Variants in TMEM30A observed in about 807,000 individuals in gnomAD.
The protein encoded by TMEM30A is cell division cycle 50 P4-ATPase accessory subunit A.
Under a neutral mutation model 38.2 loss-of-function variants are expected in TMEM30A, and 24 were observed. The ratio of observed to expected loss-of-function variants is 0.63; its 90% confidence interval spans 0.46 to 0.88. The LOEUF (loss-of-function observed/expected upper bound fraction) is 0.88. Ranked by LOEUF, TMEM30A falls within the 40% of genes least tolerant of loss-of-function variation. TMEM30A has a pLI of 0.00. For missense variants in TMEM30A, 370 were observed against 458.6 expected (o/e 0.81, Z 1.77); for synonymous variants, 145 against 161.6 (o/e 0.90, Z 0.78).
chr6:75,264,074 A>C (rs1772019428), intron 3 of TMEM30A, among the ~76,000 whole-genome samples: 1 of 152,220 alleles, frequency 6.6e-6, no homozygotes, highest in Non-Finnish European at 1.5e-5. Context: ...AACCCCACAT[A>C]GATTCAAAAT....
At chr6:75,258,669 A>G (rs1771910077) in intron 6 of TMEM30A, 111 bp downstream of exon 6, 1 of 893,548 alleles carries the variant, frequency 1.1e-6, no homozygotes, top group Non-Finnish European at 1.7e-6. Context: ...TTTTGTAAAA[A>G]TGCAGAGACC....
In TMEM30A at chr6:75,284,740, G is replaced by C. The variant is rs1053770471; in HGVS notation, c.-102C>G. The C allele has an allele frequency of 1.7e-6, 2 of 1,176,414 alleles. No homozygotes were observed. Among genetic ancestry groups the C allele is most frequent in the Non-Finnish European group, 2.5e-6 (2 of 802,226 alleles). 72.9% of individuals were successfully genotyped at this position (1,176,414 alleles called of 1,614,324 possible). ...CTCGAGCGCCGCTGCCGCCGCCGCC[G>C]CCGCAGCCACCAGCGCCACCGCCAC... On this transcript the variant is annotated 5_prime_UTR_variant, in exon 1 of 7. Coordinates refer to ENST00000230461, the MANE Select transcript of TMEM30A (RefSeq NM_018247.4).
At chr6:75,278,231 CTGA>C (rs1383287668) in intron 1 of TMEM30A, among the ~76,000 whole-genome samples, 1 of 152,198 alleles carries the variant, frequency 6.6e-6, no homozygotes, top group African/African-American at 2.4e-5. Context: ...AGCTCTCATC[CTGA>C]TGACATACCA....
intron 1 of TMEM30A, among the ~76,000 whole-genome samples, chr6:75,281,077 C>T (rs1772350335): frequency 6.6e-6 from 1 of 152,090 alleles, no homozygotes; most frequent in Non-Finnish European, 1.5e-5. Flanking sequence ...AGCTAATTCA[C>T]TAAGATCTCA....
intron 3 of TMEM30A, among the ~76,000 whole-genome samples, chr6:75,262,715 T>C (rs1318708522): frequency 4.6e-5 from 7 of 150,760 alleles, no homozygotes; most frequent in Non-Finnish European, 8.9e-5. Context: ...ATATGCAGCA[T>C]GTACAATACT....
intron 1 of TMEM30A, among the ~76,000 whole-genome samples, chr6:75,277,527 C>T (rs1463366168): frequency 6.6e-6 from 1 of 152,154 alleles, no homozygotes; most frequent in Non-Finnish European, 1.5e-5. Flanking sequence ...TCACTTGAGC[C>T]CAGGAGTTTG....
rs1562382693 is a variant in TMEM30A, at chr6:75,255,514, C to CATAA, written c.*587_*588insTTAT. 2.6e-5 allele frequency: 4 copies of CATAA among 152,452 alleles called. No individual in the cohort carries two copies. Among genetic ancestry groups the CATAA allele is most frequent in the Non-Finnish European group, 5.9e-5 (4 of 67,986 alleles). 9.4% of individuals were successfully genotyped at this position (152,452 alleles called of 1,614,324 possible). A position where few individuals can be genotyped will look rare whatever the true frequency, so the allele number is the denominator to read the frequency against. On this transcript the variant is annotated 3_prime_UTR_variant, in exon 7 of 7. Transcript: ENST00000230461. ...TAATTCTTATGCCAGACAAGGTAAG[C>CATAA]GTGTCCTTTGAAATCAAAGCTAAGC...
chr6:75,267,873 T>G (rs1013046509), intron 1 of TMEM30A, 125 bp from the exon 2 acceptor site: 2 of 532,190 alleles, frequency 3.8e-6, no homozygotes, highest in East Asian at 6.4e-5. Context: ...AGACAAAAAC[T>G]GTTTTTAAGG....
rs202217832 is a variant in TMEM30A, at chr6:75,267,661, T to C, written c.325A>G (p.Thr109Ala). The C allele has an allele frequency of 1.9e-6, 3 of 1,610,882 alleles. No homozygotes were observed. The Admixed American group carries it at 5.0e-5, about 27-fold the overall frequency. The change falls in exon 2 of 7, where the codon ACA becomes GCA. Residue 109 changes from threonine (T) to alanine (A), a missense_variant. By Grantham distance (58) the Thr-to-Ala change is moderately conservative. Coordinates refer to ENST00000230461, the MANE Select transcript of TMEM30A (RefSeq NM_018247.4). Reference protein sequence around the residue: ...VTPCFCTINFTLEKSFEGNVF... With the variant: ...VTPCFCTINFALEKSFEGNVF... ...CAGACCTCAAATGACTTTTCCAGTG[T>C]GAAGTTAATGGTACAAAAGCAAGGT... is the stretch of plus-strand genomic sequence containing the variant.
chr6:75,265,332 C>T lies in TMEM30A; in HGVS notation c.352G>A (p.Val118Met), dbSNP rs1303379634. 1.3e-6 allele frequency: 2 copies of T among 1,588,408 alleles called. No individual in the cohort carries two copies. Among genetic ancestry groups the T allele is most frequent in the South Asian group, 1.2e-5 (1 of 86,902 alleles). Reference protein sequence around the residue: ...FTLEKSFEGNVFMYYGLSNFY... With the variant: ...FTLEKSFEGNMFMYYGLSNFY... ...TTAGACAGTCCATAATACATAAACA[C>T]GTTGCCCTAGAGAAACAGAGAGGGA... The change falls in exon 3 of 7, where the codon GTG becomes ATG. Residue 118 changes from valine (V) to methionine (M), a missense_variant. By Grantham distance (21) the Val-to-Met change is conservative (BLOSUM62 1). Coordinates refer to ENST00000230461, the MANE Select transcript of TMEM30A (RefSeq NM_018247.4).
chr6:75,275,370 A>C (rs923731169), intron 1 of TMEM30A, among the ~76,000 whole-genome samples: 13 of 151,772 alleles, frequency 8.6e-5, no homozygotes, highest in African/African-American at 2.9e-4. Flanking sequence ...TTCCCCTTGA[A>C]CTCTATATTT....
rs1772422978 is a variant in TMEM30A, at chr6:75,284,429, G to A, written c.210C>T (p.Val70=). Residue 70 remains valine, a synonymous_variant, in exon 1 of 7, where the codon GTC becomes GTT. Coordinates refer to ENST00000230461, the MANE Select transcript of TMEM30A (RefSeq NM_018247.4). ...IFIPIGIGIF[V]TSNNIREIEI... is the part of the protein sequence containing the mutation. ...CGATCTCGCGGATGTTGTTGGAGGTGACAAAAATGCCAATGCCGATGGGAA... is the reference window on the plus strand; with the variant it reads ...CGATCTCGCGGATGTTGTTGGAGGTAACAAAAATGCCAATGCCGATGGGAA... 1.9e-6 allele frequency: 3 copies of A among 1,613,986 alleles called. No individual in the cohort carries two copies. Among genetic ancestry groups the A allele is most frequent in the Non-Finnish European group, 2.5e-6 (3 of 1,180,004 alleles).
chr6:75,266,928 T>C (rs1360213424), intron 2 of TMEM30A, among the ~76,000 whole-genome samples: 1 of 152,182 alleles, frequency 6.6e-6, no homozygotes, highest in Non-Finnish European at 1.5e-5. Flanking sequence ...CAACCAACTA[T>C]TAGGGACTAT....
In TMEM30A at chr6:75,284,776, G is replaced by A. The variant is rs1772440491; in HGVS notation, c.-138C>T. 1 of 800,606 alleles carries A rather than the reference G, an allele frequency of 1.2e-6. No homozygotes were observed. Among genetic ancestry groups the A allele is most frequent in the Non-Finnish European group, 2.1e-6 (1 of 477,616 alleles). 49.6% of individuals were successfully genotyped at this position (800,606 alleles called of 1,614,324 possible). On this transcript the variant is annotated 5_prime_UTR_variant, in exon 1 of 7. Coordinates refer to ENST00000230461, the MANE Select transcript of TMEM30A (RefSeq NM_018247.4). ...CAGCGCCACCGCCACAGCCACCTCC[G>A]CTGTAGAGCGGAAGAGGCGGGACAC...
chr6:75,268,531 T>C (rs2149521321), intron 1 of TMEM30A, among the ~76,000 whole-genome samples: 1 of 152,330 alleles, frequency 6.6e-6, no homozygotes, highest in South Asian at 2.1e-4. Flanking sequence ...TTCTGGTTGG[T>C]GAATCCACTA....
intron 2 of TMEM30A, among the ~76,000 whole-genome samples, chr6:75,267,377 CATT>C (rs1772087200): frequency 6.6e-6 from 1 of 152,120 alleles, no homozygotes; most frequent in African/African-American, 2.4e-5. Context: ...ACAGTCATAA[CATT>C]ATCTGTTGAA....
intron 1 of TMEM30A, among the ~76,000 whole-genome samples, chr6:75,275,287 A>C (rs1453963785): frequency 6.6e-6 from 1 of 152,074 alleles, no homozygotes. Flanking sequence ...TTTATACACC[A>C]TCTATGCTAA....
At chr6:75,267,249 TG>T (rs1443968218) in intron 2 of TMEM30A, among the ~76,000 whole-genome samples, 1 of 152,182 alleles carries the variant, frequency 6.6e-6, no homozygotes, top group Non-Finnish European at 1.5e-5. Flanking sequence ...AATTAAGTAA[TG>T]GGAGAATTAT....
chr6:75,284,607 A>G lies in TMEM30A; in HGVS notation c.32T>C (p.Val11Ala), dbSNP rs1263660448. ...CGGAGCACACGGGGGCCCACCGTCC[A>G]CTTCATCCTTCGCGTTATAGTTCAT... MAMNYNAKDEVDGGPPCAPGG... is the reference protein window; with the variant it reads MAMNYNAKDEADGGPPCAPGG... The change falls in exon 1 of 7, where the codon GTG becomes GCG. Residue 11 changes from valine to alanine, a missense_variant. Transcript: ENST00000230461. The G allele has an allele frequency of 6.2e-7, 1 of 1,613,732 alleles. No homozygotes were observed.
Sources: allele counts gnomAD v4.1 joint callset (sites outside exome capture counted in the v4.1 genomes callset), GRCh38; gene constraint gnomAD v4.1.1; transcripts MANE v1.5; gene names NCBI Gene and HGNC (gene_info 2026-07-23, HGNC 2026-07-21).